Variants in C1orf21 observed in about 807,000 individuals in gnomAD.
C1orf21 encodes the protein chromosome 1 open reading frame 21.
A neutral mutation model predicts 18.7 loss-of-function variants in C1orf21; 3 were observed. The observed-to-expected ratio is 0.16, with a 90% CI of 0.07 to 0.42. C1orf21 has a LOEUF of 0.42. C1orf21 is among the 10% of genes least tolerant of loss of function. C1orf21 has a pLI of 0.99. For missense variants in C1orf21, 104 were observed against 143.6 expected, an observed-to-expected ratio of 0.72 and a Z score of 1.41; for synonymous variants, 41 against 46.4, an observed-to-expected ratio of 0.88 and a Z score of 0.47.
At chr1:184,477,224 G>A (rs1472261164) in intron 1 of C1orf21, among the ~76,000 whole-genome samples, 162 bp from the exon 2 acceptor site, 1 of 152,078 alleles carries the variant, frequency 6.6e-6, no homozygotes, top group Non-Finnish European at 1.5e-5. Flanking sequence ...GTGAGAATGG[G>A]CCACGCTGCA....
rs1287868551 is a variant in C1orf21 at position 184,387,067 on chromosome 1, G to T, written c.-426G>T. On this transcript the variant is annotated 5_prime_UTR_variant, in exon 1 of 6. Coordinates refer to ENST00000235307, the MANE Select transcript of C1orf21 (RefSeq NM_030806.4). This position sits in a 1 kb window ranked among gnomAD's most constrained non-coding sequence, Gnocchi z 5.6. The stretch of plus-strand genomic sequence containing the variant: ...TCCCGCTCGCTCCCTGCCCACTCCC[G>T]GGGGGACGTTCCGTGCCGCGGCCGC... The T allele has an allele frequency of 6.6e-6, 1 of 151,554 alleles. No homozygotes were observed. The highest frequency in any genetic ancestry group is 2.4e-5 in the African/African-American group (1 of 41,284). The allele number at this position is 151,554 out of a possible 1,614,324, so 9.4% of individuals were successfully genotyped here.
intron 2 of C1orf21, among the ~76,000 whole-genome samples, chr1:184,497,126 A>T (rs1657905037): frequency 6.6e-6 from 1 of 152,214 alleles, no homozygotes; most frequent in Non-Finnish European, 1.5e-5. Context: ...AAAGATAAAT[A>T]TTCAGAACAG....
chr1:184,618,645 C>G (rs985399738), intron 5 of C1orf21, among the ~76,000 whole-genome samples: 38 of 127,110 alleles, frequency 3.0e-4, no homozygotes, highest in African/African-American at 6.1e-4. Context: ...TTCCCCCCCC[C>G]CAAGAAAAAT....
At chr1:184,489,034 G>A (rs924275709) in intron 2 of C1orf21, among the ~76,000 whole-genome samples, 2 of 152,102 alleles carry the variant, frequency 1.3e-5, no homozygotes, top group South Asian at 4.1e-4. Flanking sequence ...TATAATCTTA[G>A]GTTGCAAAAT....
At chr1:184,524,578 C>T (rs148828337) in intron 3 of C1orf21, among the ~76,000 whole-genome samples, 6 of 152,172 alleles carry the variant, frequency 3.9e-5, no homozygotes, top group Non-Finnish European at 7.4e-5. Flanking sequence ...TCTATCTGTA[C>T]ATTCTTCCAT....
At chr1:184,416,356 A>T (rs1245931363) in intron 1 of C1orf21, among the ~76,000 whole-genome samples, 1 of 152,196 alleles carries the variant, frequency 6.6e-6, no homozygotes, top group East Asian at 1.9e-4. Context: ...AAATTTTATG[A>T]AAATTAATCA....
At chr1:184,473,016 T>C (rs1163025144) in intron 1 of C1orf21, among the ~76,000 whole-genome samples, 1 of 152,254 alleles carries the variant, frequency 6.6e-6, no homozygotes, top group Non-Finnish European at 1.5e-5. Flanking sequence ...TCAATTAGGC[T>C]AGCTCATGGT....
rs796492148 is a variant in C1orf21 at position 184,588,882 on chromosome 1, G to A, written c.190-1857G>A. ...TTGCCTCTGTCTCACTTTTGGCCCT[G>A]GAAGCGCACTCCTGGGAGTGATGCG... is the stretch of plus-strand genomic sequence containing the variant. On this transcript the variant is annotated intron_variant, in intron 3 of 5. Transcript: ENST00000235307. 7.9e-5 allele frequency among the ~76,000 whole-genome samples: 12 copies of A among 152,166 alleles called. 2 individuals are homozygous for A. The highest frequency in any genetic ancestry group is 2.6e-4 in the African/African-American group (11 of 41,528).
intron 3 of C1orf21, among the ~76,000 whole-genome samples, chr1:184,557,810 G>T (rs552737604): frequency 6.6e-6 from 1 of 152,092 alleles, no homozygotes; most frequent in South Asian, 2.1e-4. Flanking sequence ...CAGTTATTTT[G>T]TTTTAACATA....
At chr1:184,478,135 C>G (rs1657599695) in intron 2 of C1orf21, among the ~76,000 whole-genome samples, 1 of 152,018 alleles carries the variant, frequency 6.6e-6, no homozygotes, top group Admixed American at 6.6e-5. Context: ...GGACAGTGGC[C>G]ATGGGGTGTC....
chr1:184,558,792 C>T (rs1235855157), intron 3 of C1orf21, among the ~76,000 whole-genome samples: 1 of 152,218 alleles, frequency 6.6e-6, no homozygotes, highest in African/African-American at 2.4e-5. Flanking sequence ...AGTGTTTCCT[C>T]ATAGAATTGT....
chr1:184,393,869 A>G (rs1197045145), intron 1 of C1orf21, among the ~76,000 whole-genome samples: 1 of 152,188 alleles, frequency 6.6e-6, no homozygotes, highest in Non-Finnish European at 1.5e-5. Context: ...TGTTGGTTAA[A>G]TAAGTATTCC....
chr1:184,420,313 T>G (rs908993452), intron 1 of C1orf21, among the ~76,000 whole-genome samples: 1 of 152,022 alleles, frequency 6.6e-6, no homozygotes, highest in Non-Finnish European at 1.5e-5. Flanking sequence ...GTGGGCTGGT[T>G]TTTCCACATG....
intron 1 of C1orf21, among the ~76,000 whole-genome samples, chr1:184,450,225 C>T (rs1421619757): frequency 6.6e-6 from 1 of 152,076 alleles, no homozygotes; most frequent in East Asian, 1.9e-4. Context: ...TGGGATTCTC[C>T]ATGTCAGGGA....
In C1orf21 at chr1:184,613,167, C is replaced by G. The variant is rs760072154; in HGVS notation, c.328-6351C>G. On this transcript the variant is annotated intron_variant, in intron 5 of 5. Transcript: ENST00000235307. ...GTTTCACCATGTTGGTCAGGCTGGT[C>G]TCGAACTCTTGACCTCAAGTGATCC... Among the ~76,000 whole-genome samples the G allele has an allele frequency of 3.9e-5, 6 of 152,286 alleles. No individual in the cohort carries two copies. The South Asian group carries it at 1.2e-3, about 32-fold the overall frequency.
At chr1:184,407,870 C>T (rs976851254) in intron 1 of C1orf21, among the ~76,000 whole-genome samples, 1 of 152,090 alleles carries the variant, frequency 6.6e-6, no homozygotes, top group Non-Finnish European at 1.5e-5. Context: ...ATCTTGGTTG[C>T]GCTGATAGTC....
At chr1:184,605,013 G>A (rs1339004915) in intron 5 of C1orf21, among the ~76,000 whole-genome samples, 1 of 152,172 alleles carries the variant, frequency 6.6e-6, no homozygotes, top group African/African-American at 2.4e-5. Context: ...ACAACACTCT[G>A]AACTCAATAG....
At chr1:184,504,971 C>A (rs192544450) in intron 2 of C1orf21, among the ~76,000 whole-genome samples, 1 of 152,180 alleles carries the variant, frequency 6.6e-6, no homozygotes, top group African/African-American at 2.4e-5. Flanking sequence ...AGTCATGTAG[C>A]CAGTAGCTTT....
intron 1 of C1orf21, among the ~76,000 whole-genome samples, chr1:184,389,117 A>C (rs1655932457): frequency 1.3e-5 from 2 of 152,160 alleles, no homozygotes; most frequent in African/African-American, 4.8e-5. Context: ...CAGATCACAA[A>C]TGCAGCGTTG....
Sources: gnomAD v4.1 joint callset for allele counts (sites outside exome capture counted in the v4.1 genomes callset) on GRCh38, gnomAD v4.1.1 for gene constraint, Gnocchi (gnomAD v3.1) non-coding constraint, MANE v1.5 for transcripts, NCBI Gene and HGNC (gene_info 2026-07-23, HGNC 2026-07-21) for gene names.